The following MARCHF2 variants were observed in gnomAD, a reference collection of about 807,000 sequenced individuals.
The protein encoded by MARCHF2 is membrane associated ring-CH-type finger 2.
MARCHF2 carries 22 observed loss-of-function variants against 24.0 expected under a neutral mutation model. That is an observed-to-expected ratio of 0.92 (90% confidence interval 0.66 to 1.31). The LOEUF is 1.31. Ranked by LOEUF, MARCHF2 falls within the 50% of genes most tolerant of loss-of-function variation. MARCHF2 has a pLI of 0.00. For missense variants in MARCHF2, 301 were observed against 335.3 expected (o/e 0.90, Z 0.80); for synonymous variants, 154 against 153.0 (o/e 1.01, Z -0.05).
At chr19:8,417,954 G>A (rs1054722838) in intron 1 of MARCHF2, among the ~76,000 whole-genome samples, 4 of 148,936 alleles carry the variant, frequency 2.7e-5, no homozygotes, top group African/African-American at 9.9e-5. Flanking sequence ...TAGTAGACAC[G>A]GGGTTTCTCC....
At chr19:8,415,397 G>GAA (rs775473801) in intron 1 of MARCHF2, among the ~76,000 whole-genome samples, 8 of 89,052 alleles carry the variant, frequency 9.0e-5, no homozygotes, top group Admixed American at 1.3e-4. Context: ...TGCCTCAAAA[G>GAA]AAAAAAAAAA....
Position 8,430,864 on chromosome 19 carries a change from G to T in MARCHF2, c.579G>T (p.Thr193=). 2 of 1,593,386 alleles carry T rather than the reference G, an allele frequency of 1.3e-6. No homozygotes were observed. The highest frequency in any genetic ancestry group is 4.5e-5 in the East Asian group (2 of 44,140). The change falls in exon 4 of 5, where the codon ACG becomes ACT. Residue 193 remains threonine, a synonymous_variant. Coordinates refer to ENST00000215555, the MANE Select transcript of MARCHF2 (RefSeq NM_001005415.2). This position sits in a 1 kb window ranked among gnomAD's most constrained non-coding sequence, Gnocchi z 4.4. ...TCTTCACCATCTATGTCCTCTGGAC[G>T]CTGGTGAGTGGCTGTGGTTGTGCAG... ...IALFTIYVLW[T]LVSFRYHCQL...
At chr19:8,426,016 A>T (rs1185835631) in intron 2 of MARCHF2, among the ~76,000 whole-genome samples, 1 of 150,500 alleles carries the variant, frequency 6.6e-6, no homozygotes, top group Non-Finnish European at 1.5e-5. Context: ...TCACAATATC[A>T]GGAGATCGAG....
At chr19:8,427,547 A>G (rs983794917) in intron 3 of MARCHF2, among the ~76,000 whole-genome samples, 7 of 151,880 alleles carry the variant, frequency 4.6e-5, no homozygotes, top group African/African-American at 1.5e-4. Flanking sequence ...CAACGAAGCA[A>G]CTGGTTTCTG....
At chr19:8,419,913 C>G (rs1967186719) in intron 1 of MARCHF2, among the ~76,000 whole-genome samples, 1 of 149,796 alleles carries the variant, frequency 6.7e-6, no homozygotes, top group East Asian at 1.9e-4. Flanking sequence ...AATCCTAGCA[C>G]TTTGGGAGGC....
intron 1 of MARCHF2, among the ~76,000 whole-genome samples, chr19:8,415,814 C>G (rs1967073555): frequency 6.6e-6 from 1 of 151,600 alleles, no homozygotes; most frequent in African/African-American, 2.4e-5. Context: ...TTTGCTGGAG[C>G]CATCAGATCA....
intron 3 of MARCHF2, among the ~76,000 whole-genome samples, chr19:8,429,124 T>G (rs997316026): frequency 4.6e-5 from 7 of 151,448 alleles, no homozygotes; most frequent in African/African-American, 1.7e-4. Context: ...TCCCAGGGCC[T>G]TTGCATCTGC....
Position 8,415,749 on chromosome 19 carries a change from A to C in MARCHF2, c.-53+2329A>C, listed in dbSNP as rs576994054. ...AAAAAAAAAAACAAAAAAAACAAAAAAAAAAACCAGACAAAAGAAAGAAGA... is the reference window on the plus strand; with the variant it reads ...AAAAAAAAAAACAAAAAAAACAAAACAAAAAACCAGACAAAAGAAAGAAGA... On this transcript the variant is annotated intron_variant, in intron 1 of 4. Transcript: ENST00000215555. Among the ~76,000 whole-genome samples the C allele has an allele frequency of 8.6e-3, 1,249 of 145,090 alleles. 54 individuals are homozygous for C. Among genetic ancestry groups the C allele is most frequent in the African/African-American group, 0.03 (1,192 of 39,852 alleles).
In MARCHF2 at chr19:8,430,206, A is replaced by G. The variant is rs1400895542; in HGVS notation, c.373-452A>G. The stretch of plus-strand genomic sequence containing the variant: ...TGGTGAAACCCCATCTCTACTAAAA[A>G]TACAAAATTAGCAGGGCATGGTGGC... On this transcript the variant is annotated intron_variant, in intron 3 of 4. Transcript: ENST00000215555. This position sits in a 1 kb window ranked among gnomAD's most constrained non-coding sequence, Gnocchi z 4.4. Among the ~76,000 whole-genome samples the G allele has an allele frequency of 2.6e-5, 4 of 152,078 alleles. No homozygotes were observed. Among genetic ancestry groups the G allele is most frequent in the Non-Finnish European group, 4.4e-5 (3 of 68,024 alleles).
chr19:8,416,007 T>A (rs112339814), intron 1 of MARCHF2, among the ~76,000 whole-genome samples: 60 of 152,088 alleles, frequency 3.9e-4, no homozygotes, highest in Non-Finnish European at 8.1e-4. Context: ...TCAAGAGATG[T>A]GGCTCTCTCA....
intron 1 of MARCHF2, among the ~76,000 whole-genome samples, chr19:8,416,731 T>G (rs1310338225): frequency 6.6e-6 from 1 of 151,654 alleles, no homozygotes; most frequent in Non-Finnish European, 1.5e-5. Context: ...CACACCCGGC[T>G]CATTTTTGTA....
At chr19:8,435,598 G>T (rs1967693748) in intron 4 of MARCHF2, among the ~76,000 whole-genome samples, 1 of 151,988 alleles carries the variant, frequency 6.6e-6, no homozygotes. Context: ...GAGTGCAGTG[G>T]TGTGATCTCC....
chr19:8,434,338 C>A (rs1365053248), intron 4 of MARCHF2, among the ~76,000 whole-genome samples: 2 of 152,018 alleles, frequency 1.3e-5, no homozygotes, highest in Admixed American at 1.3e-4. Flanking sequence ...CCCACCTTGG[C>A]CTTCCAAAGT....
intron 1 of MARCHF2, among the ~76,000 whole-genome samples, chr19:8,419,177 A>G (rs572710900): frequency 2.6e-5 from 4 of 152,096 alleles, no homozygotes; most frequent in South Asian, 4.1e-4. Flanking sequence ...CCTGGCCAAC[A>G]TGGTGAAACC....
intron 2 of MARCHF2, 81 bp downstream of exon 2, chr19:8,422,097 A>G: frequency 1.4e-6 from 2 of 1,473,324 alleles, no homozygotes; most frequent in Admixed American, 2.1e-5. Flanking sequence ...GCCTGGGGTT[A>G]GAAGTCCAAC....
chr19:8,438,429 A>G lies in MARCHF2; in HGVS notation c.624A>G (p.Arg208=), dbSNP rs1967789619. ...ACTGCCAGCTGTACTCCGAGTGGAG[A>G]AAGACCAACCAGAAAGTTCGCCTGA... ...RYHCQLYSEW[R]KTNQKVRLKI... is the part of the protein sequence containing the mutation. Residue 208 remains arginine (R), a synonymous_variant, in exon 5 of 5, where the codon AGA becomes AGG. Coordinates refer to ENST00000215555, the MANE Select transcript of MARCHF2 (RefSeq NM_001005415.2). 1.9e-6 allele frequency: 3 copies of G among 1,614,036 alleles called. No individual in the cohort carries two copies. Among genetic ancestry groups the G allele is most frequent in the Middle Eastern group, 1.7e-4 (1 of 5,972 alleles).
At position 8,421,948 on chromosome 19, in the gene MARCHF2, T is replaced by C. The variant is rs377276730; in HGVS notation, c.108T>C (p.Tyr36=). 1.2e-6 allele frequency: 2 copies of C among 1,613,800 alleles called. No homozygotes were observed. The highest frequency in any genetic ancestry group is 1.7e-6 in the Non-Finnish European group (2 of 1,179,918). Residue 36 remains tyrosine (Y), a synonymous_variant, in exon 2 of 5, where the codon TAT becomes TAC. Transcript: ENST00000215555. The stretch of plus-strand genomic sequence containing the variant: ...CTACGGGCCTCGGACCGCCCCAGTA[T>C]GTGGCACAGGTGACTTCAAGGGATG... ...VEATGLGPPQ[Y]VAQVTSRDGR...
intron 4 of MARCHF2, among the ~76,000 whole-genome samples, chr19:8,433,871 CAAA>C (rs200139023): frequency 5.4e-5 from 5 of 93,162 alleles, no homozygotes; most frequent in Admixed American, 1.2e-4. Flanking sequence ...GACTCTGTCT[CAAA>C]AAAAAAAAAA....
At chr19:8,438,307 G>A in intron 4 of MARCHF2, 81 bp from the exon 5 acceptor site, 1 of 1,458,390 alleles carries the variant, frequency 6.9e-7, no homozygotes, top group Non-Finnish European at 9.5e-7. Flanking sequence ...CATGGTTTGG[G>A]CCAACGCAGG....
Sources: allele counts gnomAD v4.1 joint callset (sites outside exome capture counted in the v4.1 genomes callset), GRCh38; gene constraint gnomAD v4.1.1; non-coding constraint Gnocchi (gnomAD v3.1); transcripts MANE v1.5; gene names NCBI Gene and HGNC (gene_info 2026-07-23, HGNC 2026-07-21).